P4HA3: variants seen among roughly 807,000 people sequenced by gnomAD.
P4HA3 encodes prolyl 4-hydroxylase subunit alpha 3, also known as prolyl 4-hydroxylase subunit alpha-3.
Under a neutral mutation model 66.7 loss-of-function variants are expected in P4HA3, and 60 were observed. The ratio of observed to expected loss-of-function variants is 0.90; its 90% CI spans 0.73 to 1.12. P4HA3 has a LOEUF of 1.12. Among genes scored for constraint, P4HA3 ranks in the 50% most tolerant of loss-of-function variants. The pLI, the probability that P4HA3 is intolerant of heterozygous loss-of-function variation, is 0.00. For missense variants in P4HA3, 683 were observed against 685.8 expected, an observed-to-expected ratio of 1.00 and a Z score of 0.05; for synonymous variants, 263 against 274.6, an observed-to-expected ratio of 0.96 and a Z score of 0.42.
chr11:74,305,412 A>C (rs932489877), intron 1 of P4HA3, among the ~76,000 whole-genome samples: 1 of 151,642 alleles, frequency 6.6e-6, no homozygotes, highest in African/African-American at 2.4e-5. Context: ...TGTAGATTTA[A>C]TTTTACCCAT....
Position 74,276,986 on chromosome 11 carries a change from G to T in P4HA3, c.1334C>A (p.Thr445Lys), listed in dbSNP as rs150789452. 1.2e-6 allele frequency: 2 copies of T among 1,612,542 alleles called. No homozygotes were observed. Among genetic ancestry groups the T allele is most frequent in the East Asian group, 4.5e-5 (2 of 44,826 alleles). Residue 445 changes from threonine (T) to lysine (K), a missense_variant and splice_region_variant, in exon 9 of 13, where the codon ACG becomes AAG. Physicochemically the swap from Thr to Lys is moderately conservative, Grantham distance 78. Coordinates refer to ENST00000331597, the MANE Select transcript of P4HA3 (RefSeq NM_182904.5). ...ATTGGTCATTGACTCCACCATTACCGTAGCATGGTCAAAGTGAGGCTCATA... is the reference window on the plus strand; with the variant it reads ...ATTGGTCATTGACTCCACCATTACCTTAGCATGGTCAAAGTGAGGCTCATA... Reference protein sequence around the residue: ...GHYEPHFDHATSPSSPLYRMK... With the variant: ...GHYEPHFDHAKSPSSPLYRMK...
In P4HA3 at chr11:74,289,130, C is replaced by T. The variant is rs1485380008; in HGVS notation, c.718G>A (p.Ala240Thr). The T allele has an allele frequency of 6.4e-7, 1 of 1,571,026 alleles. No homozygotes were observed. The highest frequency in any genetic ancestry group is 1.8e-5 in the Admixed American group (1 of 54,782). The change falls in exon 5 of 13, where the codon GCA (alanine) becomes ACA (threonine). Residue 240 changes from alanine to threonine, a missense_variant and splice_region_variant. Transcript: ENST00000331597. Reference sequence around the variant, plus strand: ...CTGAGGGCACACGAAACATTTCCTGCCTGTTAAAAAAAAAAAAAAGAAAAG... The same window carrying T: ...CTGAGGGCACACGAAACATTTCCTGTCTGTTAAAAAAAAAAAAAAGAAAAG... Reference protein sequence around the residue: ...LDHLAFAYFRAGNVSCALSLS... With the variant: ...LDHLAFAYFRTGNVSCALSLS...
intron 15 of P4HA3, among the ~76,000 whole-genome samples, chr11:74,254,864 G>A (rs149437272): frequency 1.7e-3 from 264 of 152,108 alleles, no homozygotes; most frequent in Non-Finnish European, 3.3e-3. Flanking sequence ...ATGCCCAGTG[G>A]GATGGTCAGA....
chr11:74,285,777 A>T (rs762204737), intron 7 of P4HA3, 32 bp downstream of exon 7: 3 of 1,600,378 alleles, frequency 1.9e-6, no homozygotes, highest in African/African-American at 2.7e-5. Flanking sequence ...AAGATGAAAG[A>T]GAAATTCTTG....
At position 74,269,666 on chromosome 11, in the gene P4HA3, C is replaced by T. The variant is rs370218183; in HGVS notation, c.1453G>A (p.Val485Met). The T allele has an allele frequency of 4.8e-5, 78 of 1,613,676 alleles. No homozygotes were observed. The highest frequency in any genetic ancestry group is 6.7e-5 in the East Asian group (3 of 44,878). Residue 485 changes from valine (V) to methionine (M), a missense_variant, in exon 11 of 13, where the codon GTG (valine) becomes ATG (methionine). Val to Met is a conservative substitution (Grantham distance 21). Coordinates refer to ENST00000331597, the MANE Select transcript of P4HA3 (RefSeq NM_182904.5). ...ATAFIYANLSVPVVRNAALFW... is the reference protein window; with the variant it reads ...ATAFIYANLSMPVVRNAALFW... ...GCCCCACTCACCCTAACCACAGGCA[C>T]GCTGAGGTTGGCATAGATGAAGGCT...
chr11:74,262,862 C>T (rs188267158), downstream of P4HA3, among the ~76,000 whole-genome samples: 128 of 152,332 alleles, frequency 8.4e-4, no homozygotes, highest in Middle Eastern at 0.02. Flanking sequence ...TTTGTGCTGC[C>T]GTTGGCATTA....
chr11:74,306,952 A>G (rs573411721), intron 1 of P4HA3, among the ~76,000 whole-genome samples: 1 of 152,120 alleles, frequency 6.6e-6, no homozygotes, highest in Non-Finnish European at 1.5e-5. Context: ...TTTACTACCC[A>G]TTGTCTCCTG....
intron 15 of P4HA3, among the ~76,000 whole-genome samples, chr11:74,257,135 TTTC>T (rs1565400262): frequency 6.6e-6 from 1 of 152,172 alleles, no homozygotes; most frequent in East Asian, 1.9e-4. Flanking sequence ...GCATTTTTTC[TTTC>T]TTTTTTTTAG....
intron 15 of P4HA3, among the ~76,000 whole-genome samples, chr11:74,257,170 G>T (rs151248449): frequency 6.6e-6 from 1 of 152,276 alleles, no homozygotes; most frequent in African/African-American, 2.4e-5. Context: ...TGTCACCTAG[G>T]CTGGAGTGCA....
chr11:74,277,701 CA>C (rs1175422717), intron 8 of P4HA3, among the ~76,000 whole-genome samples: 1 of 152,252 alleles, frequency 6.6e-6, no homozygotes, highest in Non-Finnish European at 1.5e-5. Flanking sequence ...TACTGCAAGA[CA>C]AGCCAGGATA....
chr11:74,290,641 C>T (rs1455096883), intron 4 of P4HA3, among the ~76,000 whole-genome samples: 1 of 151,956 alleles, frequency 6.6e-6, no homozygotes, highest in African/African-American at 2.4e-5. Context: ...AGGAAGGGAT[C>T]CAGTTTCAGC....
chr11:74,311,356 C>A (rs1355333846), intron 1 of P4HA3, 56 bp downstream of exon 1: 4 of 1,415,074 alleles, frequency 2.8e-6, no homozygotes, highest in Admixed American at 3.0e-5. Flanking sequence ...CCCCACCCTG[C>A]GGCACAGTGT....
intron 15 of P4HA3, among the ~76,000 whole-genome samples, chr11:74,258,721 C>G (rs558731027): frequency 3.4e-4 from 52 of 152,260 alleles, no homozygotes; most frequent in African/African-American, 1.1e-3. Context: ...AGGAATGCTC[C>G]AAGCTCAGTT....
At position 74,266,963 on chromosome 11, in the gene P4HA3, A is replaced by G; in HGVS notation, c.*285T>C. 7.1e-7 allele frequency: 1 copy of G among 1,415,592 alleles called. No homozygotes were observed. The highest frequency in any genetic ancestry group is 9.4e-7 in the Non-Finnish European group (1 of 1,064,804). The allele number at this position is 1,415,592 out of a possible 1,614,324, so 87.7% of individuals were successfully genotyped here. A position where few individuals can be genotyped will look rare whatever the true frequency, so the allele number is the denominator to read the frequency against. ...AGACTGTTGAGATGTCCTGTTCCCA[A>G]CAGAGAGTATCTGAACTCCAGAAAC... On this transcript the variant is annotated 3_prime_UTR_variant, in exon 13 of 13. Coordinates refer to ENST00000331597, the MANE Select transcript of P4HA3 (RefSeq NM_182904.5).
intron 9 of P4HA3, among the ~76,000 whole-genome samples, chr11:74,275,412 A>T (rs1185636406): frequency 6.6e-6 from 1 of 152,312 alleles, no homozygotes; most frequent in East Asian, 1.9e-4. Context: ...AATTGTTCCA[A>T]TACTGTCTAT....
chr11:74,270,644 C>A lies in P4HA3; in HGVS notation c.1399-924G>T, dbSNP rs78404984. Among the ~76,000 whole-genome samples, 3 of 152,104 alleles carry A rather than the reference C, an allele frequency of 2.0e-5. 1 individual carries two copies. The highest frequency in any genetic ancestry group is 4.1e-4 in the South Asian group (2 of 4,830). ...TTCCTCAGAACAATCCTAGGAGTTA[C>A]AATCGTTATTATTTTTAACTCTTCA... On this transcript the variant is annotated intron_variant, in intron 10 of 12. Coordinates refer to ENST00000331597, the MANE Select transcript of P4HA3 (RefSeq NM_182904.5).
At chr11:74,257,965 G>A (rs1565400469) in intron 15 of P4HA3, among the ~76,000 whole-genome samples, 1 of 152,154 alleles carries the variant, frequency 6.6e-6, no homozygotes, top group Admixed American at 6.5e-5. Context: ...TGAGAAGTGG[G>A]GGTTGGAAGT....
chr11:74,253,287 G>C (rs1302143241), intron 15 of P4HA3, among the ~76,000 whole-genome samples: 1 of 152,162 alleles, frequency 6.6e-6, no homozygotes, highest in East Asian at 1.9e-4. Flanking sequence ...TTTGGCTGGG[G>C]CCCTTCGACC....
intron 8 of P4HA3, among the ~76,000 whole-genome samples, chr11:74,278,897 G>C (rs957850038): frequency 6.6e-6 from 1 of 152,110 alleles, no homozygotes; most frequent in Non-Finnish European, 1.5e-5. Context: ...GGGCTGCAGT[G>C]GGGGGTGGGC....
Sources: allele counts gnomAD v4.1 joint callset (sites outside exome capture counted in the v4.1 genomes callset), GRCh38; gene constraint gnomAD v4.1.1; transcripts MANE v1.5; gene names NCBI Gene and HGNC (gene_info 2026-07-23, HGNC 2026-07-21).